Variants in SUSD1 observed in about 807,000 individuals in gnomAD.
SUSD1 encodes the protein sushi domain-containing protein 1.
A neutral mutation model predicts 86.9 loss-of-function variants in SUSD1; 65 were observed. That is an observed-to-expected ratio of 0.75 (90% CI 0.61 to 0.92). The LOEUF (loss-of-function observed/expected upper bound fraction) is 0.92. Among genes scored for constraint, SUSD1 ranks in the 40% least tolerant of loss-of-function variants. The pLI is 0.00. For synonymous variants in SUSD1, 346 were observed against 350.0 expected (o/e 0.99, Z 0.13); for missense variants, 850 against 929.7 (o/e 0.91, Z 1.11).
At chr9:112,096,635 A>G (rs2484270) in intron 10 of SUSD1, among the ~76,000 whole-genome samples, 97,938 of 151,944 alleles carry the variant, frequency 0.64, 32,141 homozygotes, top group East Asian at 0.78. Flanking sequence ...AACCTCCTAG[A>G]CTCAAGAGAT....
At chr9:112,162,496 C>T (rs1833613528) in intron 1 of SUSD1, among the ~76,000 whole-genome samples, 1 of 152,188 alleles carries the variant, frequency 6.6e-6, no homozygotes, top group African/African-American at 2.4e-5. Context: ...CCCCAGTGAA[C>T]AGACAATATA....
chr9:112,145,568 A>G (rs1312617450), intron 3 of SUSD1, among the ~76,000 whole-genome samples: 1 of 152,054 alleles, frequency 6.6e-6, no homozygotes, highest in Admixed American at 6.6e-5. Flanking sequence ...GCATGAGCCA[A>G]TGCACCTGGC....
chr9:112,101,881 T>C (rs1467318504), intron 9 of SUSD1, among the ~76,000 whole-genome samples: 2 of 152,186 alleles, frequency 1.3e-5, no homozygotes, highest in South Asian at 2.1e-4. Context: ...ATAAATTCCA[T>C]GCCCAAATGT....
chr9:112,087,756 A>T (rs1348349810), intron 10 of SUSD1, among the ~76,000 whole-genome samples: 1 of 152,236 alleles, frequency 6.6e-6, no homozygotes, highest in African/African-American at 2.4e-5. Context: ...CAACACATGT[A>T]TAATTAAATT....
intron 1 of SUSD1, among the ~76,000 whole-genome samples, chr9:112,161,919 C>T (rs939904234): frequency 2.0e-5 from 3 of 151,924 alleles, no homozygotes; most frequent in Non-Finnish European, 4.4e-5. Flanking sequence ...TGGATGGTAG[C>T]GATGGTTGCA....
intron 1 of SUSD1, among the ~76,000 whole-genome samples, chr9:112,171,014 A>T (rs1217996999): frequency 6.6e-6 from 1 of 152,146 alleles, no homozygotes; most frequent in Non-Finnish European, 1.5e-5. Flanking sequence ...CACCCAGCCC[A>T]TATATTAAAA....
chr9:112,083,938 A>G (rs142974904), intron 10 of SUSD1, among the ~76,000 whole-genome samples: 8 of 152,326 alleles, frequency 5.3e-5, no homozygotes, highest in African/African-American at 1.9e-4. Context: ...TCAAATCATA[A>G]TGTAGCTTTT....
At chr9:112,114,023 T>TA (rs1831209945) in intron 6 of SUSD1, among the ~76,000 whole-genome samples, 1 of 152,162 alleles carries the variant, frequency 6.6e-6, no homozygotes, top group Non-Finnish European at 1.5e-5. Context: ...CTTCTATATA[T>TA]AAAACTCTAA....
intron 6 of SUSD1, 112 bp from the exon 7 acceptor site, chr9:112,112,980 C>T: frequency 1.5e-6 from 1 of 674,382 alleles, no homozygotes; most frequent in Non-Finnish European, 2.6e-6. Context: ...CACCATTCAT[C>T]CTCAGAGGCA....
intron 2 of SUSD1, among the ~76,000 whole-genome samples, chr9:112,155,420 C>T (rs572645612): frequency 2.2e-4 from 33 of 152,162 alleles, no homozygotes; most frequent in Non-Finnish European, 4.1e-4. Flanking sequence ...CCCCCTGGAG[C>T]CTCAGACTGC....
chr9:112,115,820 A>AG (rs1564308833), intron 6 of SUSD1, among the ~76,000 whole-genome samples: 2 of 19,728 alleles, frequency 1.0e-4, no homozygotes, highest in African/African-American at 3.0e-4. Context: ...AAAAAAAAAA[A>AG]AAAGAAAAAA....
intron 15 of SUSD1, 62 bp downstream of exon 15, chr9:112,052,337 T>C (rs1828251160): frequency 1.2e-6 from 2 of 1,613,146 alleles, no homozygotes; most frequent in Non-Finnish European, 1.7e-6. Context: ...ATCTCATCAA[T>C]ATGAACTTGA....
intron 12 of SUSD1, among the ~76,000 whole-genome samples, chr9:112,067,908 T>G (rs1349732840): frequency 2.0e-5 from 3 of 151,952 alleles, no homozygotes; most frequent in Non-Finnish European, 4.4e-5. Flanking sequence ...GATTAGAAAA[T>G]AGCTTTGGGG....
rs769762461 is a variant in SUSD1 at position 112,080,056 on chromosome 9, T to C, written c.1566+18A>G. 1.3e-6 allele frequency: 2 copies of C among 1,577,954 alleles called. No individual in the cohort carries two copies. Among genetic ancestry groups the C allele is most frequent in the Admixed American group, 1.7e-5 (1 of 59,912 alleles). On this transcript the variant is annotated intron_variant, in intron 11 of 16. Transcript: ENST00000374270. Reference sequence around the variant, plus strand: ...ATAAGACAACCATCTATAAATACAGTAACTTTCAGTCACTTACTAAATACA... The same window carrying C: ...ATAAGACAACCATCTATAAATACAGCAACTTTCAGTCACTTACTAAATACA...
chr9:112,078,389 A>T, intron 12 of SUSD1, 149 bp downstream of exon 12: 1 of 718,452 alleles, frequency 1.4e-6, no homozygotes, highest in Non-Finnish European at 2.2e-6. Flanking sequence ...GAGGCGCCTT[A>T]AGGCACCTCT....
chr9:112,047,763 A>T (rs1828019658), intron 15 of SUSD1, among the ~76,000 whole-genome samples: 1 of 152,152 alleles, frequency 6.6e-6, no homozygotes, highest in Non-Finnish European at 1.5e-5. Context: ...GTGTCATCAC[A>T]TGATCTCTTT....
chr9:112,111,603 A>G, intron 8 of SUSD1, 51 bp downstream of exon 8: 1 of 1,584,962 alleles, frequency 6.3e-7, no homozygotes, highest in South Asian at 1.2e-5. Context: ...ACTTCCCCAC[A>G]TTCTGTGCTT....
intron 1 of SUSD1, chr9:112,173,545 C>T (rs528796676): frequency 9.2e-5 from 30 of 324,608 alleles, no homozygotes; most frequent in African/African-American, 6.0e-4. Context: ...TTTGTAGGGG[C>T]CTGAGCTCCT....
chr9:112,124,184 G>C, intron 6 of SUSD1, 73 bp downstream of exon 6: 1 of 1,451,950 alleles, frequency 6.9e-7, no homozygotes, highest in Non-Finnish European at 9.3e-7. Context: ...GCAGCAATCA[G>C]ATAGTTTTAG....
Sources: allele counts gnomAD v4.1 joint callset (sites outside exome capture counted in the v4.1 genomes callset), GRCh38; gene constraint gnomAD v4.1.1; transcripts MANE v1.5; gene names NCBI Gene and HGNC (gene_info 2026-07-23, HGNC 2026-07-21).